The following RNF144A variants were observed in gnomAD, a reference collection of about 807,000 sequenced individuals.
RNF144A encodes ring finger protein 144A, also known as E3 ubiquitin-protein ligase RNF144A.
In RNF144A, 11 loss-of-function variants were observed where a neutral mutation model predicts 38.7. The ratio of observed to expected loss-of-function variants is 0.28; its 90% CI spans 0.18 to 0.47. The LOEUF (loss-of-function observed/expected upper bound fraction) is 0.47, where lower values mean the gene tolerates loss of function less well. Among genes scored for constraint, RNF144A ranks in the 20% least tolerant of loss-of-function variants. The pLI, the probability that RNF144A is intolerant of heterozygous loss-of-function variation, is 0.99. For missense variants in RNF144A, 316 were observed against 377.2 expected, an observed-to-expected ratio of 0.84 and a Z score of 1.34; for synonymous variants, 149 against 143.9, an observed-to-expected ratio of 1.04 and a Z score of -0.25.
Position 7,025,305 on chromosome 2 carries a change from G to T in RNF144A, c.657+789G>T, listed in dbSNP as rs189697826. Among the ~76,000 whole-genome samples the T allele has an allele frequency of 2.0e-3, 301 of 152,288 alleles. 4 individuals are homozygous for T. In the East Asian group the frequency reaches 0.024, roughly 12 times the overall value. On this transcript the variant is annotated intron_variant, in intron 7 of 8. Transcript: ENST00000320892. The stretch of plus-strand genomic sequence containing the variant: ...CATTCTCCTTCCTTGCCCATATTAG[G>T]GCGTGGGCATCTTGCCAAAATGATG...
rs1244232657 is a variant in RNF144A, at chr2:7,043,561, T to G, written c.*3801T>G. On this transcript the variant is annotated 3_prime_UTR_variant, in exon 9 of 9. Transcript: ENST00000320892. Reference sequence around the variant, plus strand: ...TTAAAAAATACCAAAGCTTGTTTATTTCTGATAATTAACCTAAGCCCTTAT... The same window carrying G: ...TTAAAAAATACCAAAGCTTGTTTATGTCTGATAATTAACCTAAGCCCTTAT... The G allele has an allele frequency of 1.0e-6, 1 of 985,664 alleles. No individual in the cohort carries two copies. The highest frequency in any genetic ancestry group is 1.2e-6 in the Non-Finnish European group (1 of 829,884). The allele number at this position is 985,664 out of a possible 1,614,324, so 61.1% of individuals were successfully genotyped here.
downstream of RNF144A, among the ~76,000 whole-genome samples, chr2:7,045,106 C>G (rs773566079): frequency 3.2e-4 from 48 of 152,204 alleles, no homozygotes; most frequent in South Asian, 1.0e-3. Context: ...AGGAACTAGC[C>G]AAGCAAAACT....
At chr2:6,999,883 G>C (rs187473723) in intron 3 of RNF144A, among the ~76,000 whole-genome samples, 3 of 152,192 alleles carry the variant, frequency 2.0e-5, no homozygotes, top group Non-Finnish European at 4.4e-5. Context: ...GGTTCAGTGG[G>C]TTTGCTAATG....
intron 2 of RNF144A, among the ~76,000 whole-genome samples, chr2:6,996,395 G>T (rs139122699): frequency 2.4e-4 from 37 of 152,256 alleles, no homozygotes; most frequent in African/African-American, 8.7e-4. Context: ...GGGAAGGATG[G>T]GTGTGTGGGT....
chr2:6,964,966 A>G (rs2103336226), intron 2 of RNF144A, among the ~76,000 whole-genome samples: 1 of 152,196 alleles, frequency 6.6e-6, no homozygotes, highest in African/African-American at 2.4e-5. Context: ...CTTAAAGTAT[A>G]ATAATAATAA....
downstream of RNF144A, among the ~76,000 whole-genome samples, chr2:7,047,674 A>G (rs113177806): frequency 4.7e-3 from 721 of 152,326 alleles, 4 homozygotes; most frequent in African/African-American, 0.016. Context: ...TTCAGCTACA[A>G]AAAAGCCTTA....
intron 2 of RNF144A, among the ~76,000 whole-genome samples, chr2:6,981,391 A>C (rs1249442083): frequency 6.6e-6 from 1 of 152,002 alleles, no homozygotes; most frequent in Admixed American, 6.6e-5. Context: ...AATGCATGTA[A>C]CTGTGTGCTT....
intron 6 of RNF144A, among the ~76,000 whole-genome samples, chr2:7,059,492 T>G (rs1383614153): frequency 6.6e-6 from 1 of 152,244 alleles, no homozygotes; most frequent in Non-Finnish European, 1.5e-5. Context: ...AGGGCATCTA[T>G]GCTCATGTTG....
At chr2:6,981,508 C>T (rs1388342544) in intron 2 of RNF144A, among the ~76,000 whole-genome samples, 1 of 152,142 alleles carries the variant, frequency 6.6e-6, no homozygotes, top group Non-Finnish European at 1.5e-5. Flanking sequence ...ATCTCTAGGG[C>T]AGGGGGAAAA....
intron 2 of RNF144A, among the ~76,000 whole-genome samples, chr2:6,987,483 C>T (rs1006160076): frequency 6.6e-6 from 1 of 152,162 alleles, no homozygotes; most frequent in Non-Finnish European, 1.5e-5. Flanking sequence ...CAGGGCTCTG[C>T]GTGGAGGTCG....
At position 6,975,937 on chromosome 2, in the gene RNF144A, A is replaced by G. The variant is rs1572313819; in HGVS notation, c.-11-20979A>G. 2.0e-5 allele frequency among the ~76,000 whole-genome samples: 3 copies of G among 152,254 alleles called. No individual in the cohort carries two copies. In the South Asian group the frequency reaches 6.2e-4, roughly 31 times the overall value. ...CTATGCTTTGCTGTTTTCACTTAAC[A>G]CATTTTGCAGATCTTTCCATTTGAA... On this transcript the variant is annotated intron_variant, in intron 2 of 8. Coordinates refer to ENST00000320892, the MANE Select transcript of RNF144A (RefSeq NM_014746.6).
downstream of RNF144A, among the ~76,000 whole-genome samples, chr2:7,045,718 G>A (rs898559972): frequency 4.6e-5 from 7 of 152,312 alleles, no homozygotes; most frequent in African/African-American, 1.7e-4. Context: ...CACCTCCATA[G>A]GAGGGAGCAC....
chr2:7,069,056 T>C (rs143203393), downstream of RNF144A, among the ~76,000 whole-genome samples: 553 of 152,284 alleles, frequency 3.6e-3, 2 homozygotes, highest in African/African-American at 0.013. Context: ...CCTAAGTCAA[T>C]AGTAGCCCAG....
intron 1 of RNF144A, among the ~76,000 whole-genome samples, chr2:6,928,502 TC>T (rs147424989): frequency 2.6e-5 from 4 of 152,126 alleles, no homozygotes; most frequent in Non-Finnish European, 5.9e-5. Flanking sequence ...TCTCTGCACA[TC>T]CTACATCTGC....
Position 6,917,857 on chromosome 2 carries a change from C to T in RNF144A, c.-212+235C>T, listed in dbSNP as rs892478659. 6.6e-6 allele frequency among the ~76,000 whole-genome samples: 1 copy of T among 151,134 alleles called. No homozygotes were observed. Among genetic ancestry groups the T allele is most frequent in the Non-Finnish European group, 1.5e-5 (1 of 67,682 alleles). ...CCTGCCCTGCCCGTGTCCCTGACCT[C>T]GTCCCTGCTCTGCTCCTGCCCTGCC... is the stretch of plus-strand genomic sequence containing the variant. On this transcript the variant is annotated intron_variant, in intron 1 of 8. Transcript: ENST00000320892. This position sits in a 1 kb window ranked among gnomAD's most constrained non-coding sequence, Gnocchi z 4.8.
chr2:7,066,409 G>A (rs1674226628), intron 6 of RNF144A, among the ~76,000 whole-genome samples: 1 of 152,086 alleles, frequency 6.6e-6, no homozygotes, highest in East Asian at 1.9e-4. Flanking sequence ...TTTATCTTAA[G>A]CTATCTATAG....
chr2:6,975,120 G>A (rs1203822331), intron 2 of RNF144A, among the ~76,000 whole-genome samples: 2 of 152,164 alleles, frequency 1.3e-5, no homozygotes, highest in Admixed American at 6.5e-5. Context: ...ACAAAAGATA[G>A]GTTTAATTGG....
At chr2:6,924,642 C>A (rs552668880) in intron 1 of RNF144A, among the ~76,000 whole-genome samples, 1 of 152,232 alleles carries the variant, frequency 6.6e-6, no homozygotes. Context: ...ATCTCCCTTC[C>A]GAGTGCGGGC....
intron 6 of RNF144A, among the ~76,000 whole-genome samples, chr2:7,059,836 A>G (rs1425665464): frequency 6.6e-6 from 1 of 152,212 alleles, no homozygotes; most frequent in East Asian, 1.9e-4. Flanking sequence ...ACCAGCTGAA[A>G]ATCCTTGATT....
Sources: gnomAD v4.1 joint callset for allele counts (sites outside exome capture counted in the v4.1 genomes callset) on GRCh38, gnomAD v4.1.1 for gene constraint, Gnocchi (gnomAD v3.1) non-coding constraint, MANE v1.5 for transcripts, NCBI Gene and HGNC (gene_info 2026-07-23, HGNC 2026-07-21) for gene names.